HK1: variants seen among roughly 807,000 people sequenced by gnomAD.
HK1 encodes hexokinase 1.
In HK1, 28 loss-of-function variants were observed where a neutral mutation model predicts 91.6. That is an observed-to-expected ratio of 0.31 (90% CI 0.23 to 0.42). HK1 has a LOEUF of 0.42. Among genes scored for constraint, HK1 ranks in the 10% least tolerant of loss-of-function variants. The pLI is 1.00. For missense variants in HK1, 770 were observed against 1,219.8 expected, an observed-to-expected ratio of 0.63 and a Z score of 5.49; for synonymous variants, 430 against 468.1, an observed-to-expected ratio of 0.92 and a Z score of 1.05.
chr10:69,364,018 A>G (rs1444385235), intron 3 of HK1, among the ~76,000 whole-genome samples: 1 of 152,222 alleles, frequency 6.6e-6, no homozygotes, highest in South Asian at 2.1e-4. Flanking sequence ...ACCAAAGAGC[A>G]CACACGGTCT....
chr10:69,400,166 G>T (rs1292997392), intron 17 of HK1, among the ~76,000 whole-genome samples: 1 of 152,216 alleles, frequency 6.6e-6, no homozygotes, highest in Non-Finnish European at 1.5e-5. Context: ...AATTAGAGCT[G>T]TAAAATATGG....
chr10:69,303,762 T>C (rs1039979851), intron 5 of HK1, among the ~76,000 whole-genome samples: 3 of 152,132 alleles, frequency 2.0e-5, no homozygotes, highest in African/African-American at 4.8e-5. Flanking sequence ...AACAGGGGAA[T>C]TGCAATAAAG....
chr10:69,353,101 G>A (rs1204889994), intron 2 of HK1, among the ~76,000 whole-genome samples: 1 of 152,132 alleles, frequency 6.6e-6, no homozygotes, highest in Non-Finnish European at 1.5e-5. Flanking sequence ...AGTCTCTTTT[G>A]TTCCTTGGTG....
chr10:69,372,930 G>A (rs527814348), intron 7 of HK1, among the ~76,000 whole-genome samples: 11 of 151,982 alleles, frequency 7.2e-5, no homozygotes, highest in Admixed American at 6.6e-5. Flanking sequence ...GTGCAATGGC[G>A]CAATCTCAGC....
chr10:69,371,027 G>A (rs900190059), intron 7 of HK1, among the ~76,000 whole-genome samples: 29 of 125,834 alleles, frequency 2.3e-4, no homozygotes, highest in Non-Finnish European at 4.0e-4. Flanking sequence ...TTATCCTGAT[G>A]CTAGAGGGAC....
In HK1 at chr10:69,318,937, C is replaced by G. The variant is rs2132563725; in HGVS notation, c.-11C>G. On this transcript the variant is annotated 5_prime_UTR_variant, in exon 1 of 18. Transcript: ENST00000359426. ...CCCCACGCCTGCCGCCCCGCGACCC[C>G]GACCGCCAGCATGATCGCCGCGCAG... 1 of 1,585,838 alleles carries G rather than the reference C, an allele frequency of 6.3e-7. No homozygotes were observed. Among genetic ancestry groups the G allele is most frequent in the South Asian group, 1.1e-5 (1 of 87,386 alleles).
At chr10:69,321,754 C>T (rs1378764566) in intron 1 of HK1, among the ~76,000 whole-genome samples, 3 of 152,152 alleles carry the variant, frequency 2.0e-5, no homozygotes, top group Non-Finnish European at 1.5e-5. Flanking sequence ...AAAAATATAT[C>T]CTGGGTTGAA....
chr10:69,292,270 G>C, intron 3 of HK1: 1 of 393,564 alleles, frequency 2.5e-6, no homozygotes. Flanking sequence ...ACAGGGTCTT[G>C]CTATGTTGCC....
intron 3 of HK1, among the ~76,000 whole-genome samples, chr10:69,362,315 C>T (rs1274033623): frequency 6.6e-6 from 1 of 151,996 alleles, no homozygotes; most frequent in Non-Finnish European, 1.5e-5. Context: ...TGGACTCAAG[C>T]GATCCTCCCA....
Position 69,296,676 on chromosome 10 carries a change from C to T in HK1, c.-67+996C>T, listed in dbSNP as rs116796243. ...GAAGAAGAGGAAAGCATGTGTCAGG[C>T]GAGGAAGGGCATTTCAAGCAGAGAG... On this transcript the variant is annotated intron_variant, in intron 4 of 21. Coordinates refer to the HK1 transcript ENST00000360289. 1.5e-3 allele frequency among the ~76,000 whole-genome samples: 223 copies of T among 152,022 alleles called. 2 individuals carry two copies. Among genetic ancestry groups the T allele is most frequent in the African/African-American group, 5.0e-3 (209 of 41,446 alleles).
intron 14 of HK1, among the ~76,000 whole-genome samples, chr10:69,391,127 G>A (rs1194533114): frequency 6.6e-6 from 1 of 152,232 alleles, no homozygotes; most frequent in African/African-American, 2.4e-5. Context: ...CAGGTTGCAT[G>A]TGTGCGGTGT....
At chr10:69,352,289 G>A (rs923276920) in intron 2 of HK1, among the ~76,000 whole-genome samples, 2 of 152,080 alleles carry the variant, frequency 1.3e-5, no homozygotes, top group South Asian at 2.1e-4. Flanking sequence ...CACTGCGCCC[G>A]GCTGAATTCA....
intron 8 of HK1, 151 bp downstream of exon 8, chr10:69,377,240 A>G (rs904486026): frequency 1.1e-6 from 1 of 893,130 alleles, no homozygotes; most frequent in African/African-American, 1.7e-5. Flanking sequence ...TAGTTGACCC[A>G]TTCTGGGCCG....
intron 2 of HK1, among the ~76,000 whole-genome samples, chr10:69,357,851 C>CT (rs1849209841): frequency 6.6e-6 from 1 of 151,964 alleles, no homozygotes; most frequent in Non-Finnish European, 1.5e-5. Context: ...GGATGAGGGG[C>CT]TTGGGAGGTG....
rs150879031 is a variant in HK1, at chr10:69,337,265, C to A, written c.64-6562C>A. ...GAAGCCCCAAATGGGAGGTTACGAG[C>A]CCTGGAATCTAGACCCAGCTGCCAT... On this transcript the variant is annotated intron_variant, in intron 1 of 17. Transcript: ENST00000359426. Among the ~76,000 whole-genome samples, 392 of 152,250 alleles carry A rather than the reference C, an allele frequency of 2.6e-3. 1 individual carries two copies. The highest frequency in any genetic ancestry group is 8.6e-3 in the African/African-American group (359 of 41,530).
At chr10:69,322,340 A>C (rs1847083531) in intron 1 of HK1, among the ~76,000 whole-genome samples, 1 of 151,994 alleles carries the variant, frequency 6.6e-6, no homozygotes, top group African/African-American at 2.4e-5. Context: ...CAACTCCATA[A>C]AAATATATCC....
intron 3 of HK1, among the ~76,000 whole-genome samples, chr10:69,291,885 G>T (rs1589442472): frequency 6.6e-6 from 1 of 152,088 alleles, no homozygotes. Context: ...TGTAGGCTTG[G>T]AAGTATCTGC....
rs1280568609 is a variant in HK1 at position 69,401,106 on chromosome 10, G to A, written c.2725G>A (p.Val909Met). 1 of 1,614,034 alleles carries A rather than the reference G, an allele frequency of 6.2e-7. No individual in the cohort carries two copies. Among genetic ancestry groups the A allele is most frequent in the Non-Finnish European group, 8.5e-7 (1 of 1,180,016 alleles). ...KGAALITAVG[V>M]RLRTEASS The stretch of plus-strand genomic sequence containing the variant: ...GGCCGCCCTCATCACGGCCGTGGGC[G>A]TGCGGTTACGCACAGAGGCAAGCAG... The change falls in exon 18 of 18, where the codon GTG becomes ATG. Residue 909 changes from valine to methionine, a missense_variant. Val to Met is a conservative substitution (Grantham distance 21). This residue lies in a region of HK1 where 15 missense variants were observed against 21.7 expected (regional missense o/e 0.69). Transcript: ENST00000359426.
At position 69,345,185 on chromosome 10, in the gene HK1, G is replaced by A. The variant is rs143983981; in HGVS notation, c.226+1196G>A. 2.6e-4 allele frequency among the ~76,000 whole-genome samples: 40 copies of A among 152,266 alleles called. No homozygotes were observed. The East Asian group carries it at 7.7e-3, about 29-fold the overall frequency. ...TTGGACGCTGATAAAGAGGCCTTGT[G>A]CTGTTCACTGTGGCCACGGGTGGGG... On this transcript the variant is annotated intron_variant, in intron 2 of 17. Transcript: ENST00000359426.
Sources: allele counts gnomAD v4.1 joint callset (sites outside exome capture counted in the v4.1 genomes callset), GRCh38; gene constraint gnomAD v4.1.1; regional missense constraint gnomAD v4.1.1; transcripts MANE v1.5; gene names NCBI Gene and HGNC (gene_info 2026-07-23, HGNC 2026-07-21).